Variants in USP48 observed in about 807,000 individuals in gnomAD.
USP48 encodes the protein ubiquitin carboxyl-terminal hydrolase 48.
Under a neutral mutation model 150.7 loss-of-function variants are expected in USP48, and 43 were observed. That is an observed-to-expected ratio of 0.29 (90% CI 0.22 to 0.37). The LOEUF (loss-of-function observed/expected upper bound fraction) is 0.37. Ranked by LOEUF, USP48 falls within the 10% of genes least tolerant of loss-of-function variation. The probability of loss-of-function intolerance (pLI) is 1.00; values close to 1 mark genes in which losing one functional copy is unlikely to be tolerated. For missense variants in USP48, 813 were observed against 1,249.6 expected (o/e 0.65, Z 5.27); for synonymous variants, 396 against 425.9 (o/e 0.93, Z 0.86).
intron 11 of USP48, chr1:21,728,045 G>A (rs2097744279): frequency 1.0e-6 from 1 of 985,344 alleles, no homozygotes; most frequent in East Asian, 1.1e-4. Flanking sequence ...ATACAGAAAA[G>A]GGATAAGCTG....
intron 3 of USP48, 48 bp downstream of exon 3, chr1:21,756,498 T>TA (rs758212407): frequency 2.0e-6 from 3 of 1,510,848 alleles, no homozygotes; most frequent in African/African-American, 3.0e-5. Context: ...AAAAAAAGTT[T>TA]AAAAAAATGT....
At chr1:21,759,909 A>C (rs1209155402) in intron 1 of USP48, among the ~76,000 whole-genome samples, 1 of 152,214 alleles carries the variant, frequency 6.6e-6, no homozygotes, top group Admixed American at 6.5e-5. Context: ...CAATATTTAC[A>C]ATGTCTCAAA....
chr1:21,773,760 T>C (rs1268915151), intron 1 of USP48, among the ~76,000 whole-genome samples: 1 of 152,120 alleles, frequency 6.6e-6, no homozygotes, highest in Non-Finnish European at 1.5e-5. Context: ...TCAAGATCGA[T>C]GCAGAGGGCT....
intron 17 of USP48, 69 bp downstream of exon 17, chr1:21,706,398 C>T (rs2097672703): frequency 6.2e-7 from 1 of 1,603,712 alleles, no homozygotes; most frequent in Non-Finnish European, 8.5e-7. Context: ...TCTGAAATAG[C>T]TCACTGGGAA....
At chr1:21,739,590 G>C (rs1356140217) in intron 8 of USP48, among the ~76,000 whole-genome samples, 1 of 146,042 alleles carries the variant, frequency 6.8e-6, no homozygotes, top group East Asian at 2.1e-4. Flanking sequence ...TATGATGTTT[G>C]ATATGTTTAC....
chr1:21,712,448 A>G (rs889674888), intron 15 of USP48, among the ~76,000 whole-genome samples: 9 of 152,142 alleles, frequency 5.9e-5, no homozygotes, highest in African/African-American at 1.2e-4. Context: ...ATAATTGCCC[A>G]CTATAATCCT....
rs553237348 is a variant in USP48, at chr1:21,745,149, GTTAA to G, written c.991+1914_991+1917del. On this transcript the variant is annotated intron_variant, in intron 8 of 26. Transcript: ENST00000308271. ...AACAAATCCTATGCAATTAACAAAA[GTTAA>G]TTGTTTTTAGTCTTCTACCTATATA... Among the ~76,000 whole-genome samples, 10 of 152,214 alleles carry G rather than the reference GTTAA, an allele frequency of 6.6e-5. No homozygotes were observed. The South Asian group carries it at 2.1e-3, about 32-fold the overall frequency.
At chr1:21,747,191 T>C in intron 7 of USP48, 42 bp from the exon 8 acceptor site, 1 of 1,420,176 alleles carries the variant, frequency 7.0e-7, no homozygotes, top group Non-Finnish European at 9.8e-7. Context: ...TTTAAAACAA[T>C]CATAATACAA....
At chr1:21,774,544 G>A (rs139638930) in intron 1 of USP48, among the ~76,000 whole-genome samples, 3,125 of 151,754 alleles carry the variant, frequency 0.021, 41 homozygotes, top group Middle Eastern at 0.048. Flanking sequence ...AAAATTAGCC[G>A]GGTGTGGTGG....
chr1:21,783,021 C>T lies in USP48; in HGVS notation c.-64G>A. The stretch of plus-strand genomic sequence containing the variant: ...GCAGCCGCCGCCGCGGTCTGCACCG[C>T]CGCCCCAATGGGCTTCGCCACCTGC... On this transcript the variant is annotated 5_prime_UTR_variant, in exon 1 of 27. Coordinates refer to ENST00000308271, the MANE Select transcript of USP48 (RefSeq NM_032236.8). 6.9e-7 allele frequency: 1 copy of T among 1,442,986 alleles called. No individual in the cohort carries two copies. The highest frequency in any genetic ancestry group is 9.0e-7 in the Non-Finnish European group (1 of 1,108,926). The allele number at this position is 1,442,986 out of a possible 1,614,324, so 89.4% of individuals were successfully genotyped here. A position where few individuals can be genotyped will look rare whatever the true frequency, so the allele number is the denominator to read the frequency against.
intron 8 of USP48, among the ~76,000 whole-genome samples, chr1:21,741,177 T>A (rs1380957138): frequency 6.6e-6 from 1 of 152,186 alleles, no homozygotes; most frequent in African/African-American, 2.4e-5. Context: ...CTAGCAGGTT[T>A]TCCTACTAGA....
chr1:21,710,375 T>C (rs564756935), intron 15 of USP48, among the ~76,000 whole-genome samples: 1 of 152,266 alleles, frequency 6.6e-6, no homozygotes, highest in East Asian at 1.9e-4. Flanking sequence ...TATATAATAC[T>C]TTGGGCCTCA....
intron 1 of USP48, among the ~76,000 whole-genome samples, chr1:21,764,049 T>C (rs2097856161): frequency 2.0e-5 from 3 of 152,188 alleles, no homozygotes; most frequent in South Asian, 4.1e-4. Flanking sequence ...TTTATCATCA[T>C]GTGTGTGCCA....
At chr1:21,777,114 A>G (rs1490237560) in intron 1 of USP48, among the ~76,000 whole-genome samples, 1 of 139,514 alleles carries the variant, frequency 7.2e-6, no homozygotes, top group East Asian at 2.0e-4. Context: ...ACTCCATCTG[A>G]AAAAAAAAAA....
chr1:21,681,354 T>C (rs1224833035), intron 25 of USP48: 1 of 152,278 alleles, frequency 6.6e-6, no homozygotes, highest in Non-Finnish European at 1.5e-5. Flanking sequence ...CTCTGCTTCC[T>C]GGGTTCAAGC....
chr1:21,754,971 G>A (rs1485878007), intron 3 of USP48, among the ~76,000 whole-genome samples: 6 of 152,166 alleles, frequency 3.9e-5, no homozygotes, highest in African/African-American at 7.2e-5. Flanking sequence ...CAGACTATCC[G>A]TTGGATGTTC....
chr1:21,712,020 T>C (rs1182679566), intron 15 of USP48, among the ~76,000 whole-genome samples: 1 of 152,186 alleles, frequency 6.6e-6, no homozygotes, highest in Non-Finnish European at 1.5e-5. Context: ...TACTCATCAG[T>C]AGAATGGATG....
chr1:21,688,218 C>T (rs1227369461), intron 24 of USP48, among the ~76,000 whole-genome samples: 3 of 151,980 alleles, frequency 2.0e-5, no homozygotes, highest in Non-Finnish European at 4.4e-5. Context: ...GGTTCAATGA[C>T]TTTTCTTTCT....
intron 19 of USP48, among the ~76,000 whole-genome samples, 184 bp downstream of exon 19, chr1:21,705,543 T>C (rs370996345): frequency 5.3e-5 from 8 of 152,130 alleles, no homozygotes; most frequent in African/African-American, 1.7e-4. Context: ...TCGGGCAGCC[T>C]CTTGTCTTTC....
Sources: allele counts gnomAD v4.1 joint callset (sites outside exome capture counted in the v4.1 genomes callset), GRCh38; gene constraint gnomAD v4.1.1; transcripts MANE v1.5; gene names NCBI Gene and HGNC (gene_info 2026-07-23, HGNC 2026-07-21).